Variants in NFATC1 observed in about 807,000 individuals in gnomAD.
NFATC1 encodes nuclear factor of activated T cells 1, also known as nuclear factor of activated T-cells, cytoplasmic 1.
In NFATC1, 22 loss-of-function variants were observed where a neutral mutation model predicts 76.0. That is an observed-to-expected ratio of 0.29 (90% confidence interval 0.21 to 0.41). NFATC1 has a LOEUF of 0.41. NFATC1 is among the 10% of genes least tolerant of loss of function. The pLI, the probability that NFATC1 is intolerant of heterozygous loss-of-function variation, is 1.00. For synonymous variants in NFATC1, 704 were observed against 613.1 expected (o/e 1.15, Z -2.19); for missense variants, 1,357 against 1,337.7 (o/e 1.01, Z -0.23).
chr18:79,436,311 C>T (rs2086773675), intron 3 of NFATC1, among the ~76,000 whole-genome samples: 1 of 152,232 alleles, frequency 6.6e-6, no homozygotes, highest in Non-Finnish European at 1.5e-5. Flanking sequence ...CCGTTGGGAA[C>T]AACTGGCGCG....
chr18:79,474,839 CGCTGTCAACGTAA>C (rs2088979408), intron 8 of NFATC1, among the ~76,000 whole-genome samples: 1 of 142,438 alleles, frequency 7.0e-6, no homozygotes, highest in Non-Finnish European at 1.5e-5. Flanking sequence ...TTCTCACGCT[CGCTGTCAACGTAA>C]ACCTGAGGGA....
At chr18:79,396,443 G>C in intron 1 of NFATC1, 92 bp downstream of exon 1, 2 of 890,642 alleles carry the variant, frequency 2.2e-6, no homozygotes, top group Non-Finnish European at 2.8e-6. Context: ...CCGCACGGAG[G>C]GGTCCGGGCC....
chr18:79,512,291 G>A (rs1225625840), intron 9 of NFATC1, among the ~76,000 whole-genome samples: 1 of 152,190 alleles, frequency 6.6e-6, no homozygotes, highest in African/African-American at 2.4e-5. Context: ...TAAATAAACG[G>A]AAAAGCGTCT....
At chr18:79,512,074 C>T (rs1359476448) in intron 9 of NFATC1, among the ~76,000 whole-genome samples, 3 of 152,112 alleles carry the variant, frequency 2.0e-5, no homozygotes, top group Non-Finnish European at 2.9e-5. Context: ...CCGGCCCAAG[C>T]GACCCCTGGC....
At chr18:79,514,017 G>T (rs932218594) in intron 9 of NFATC1, among the ~76,000 whole-genome samples, 13 of 152,326 alleles carry the variant, frequency 8.5e-5, no homozygotes, top group African/African-American at 3.1e-4. Flanking sequence ...GGTGAGCGTG[G>T]ACGTGCGTGG....
At chr18:79,457,479 C>G (rs2087798616) in intron 6 of NFATC1, among the ~76,000 whole-genome samples, 2 of 152,248 alleles carry the variant, frequency 1.3e-5, no homozygotes, top group Non-Finnish European at 2.9e-5. Flanking sequence ...CCTCCCTCCT[C>G]TCCCTTCTCA....
chr18:79,527,666 T>TACC lies in NFATC1; in HGVS notation c.*92_*94dup. The TACC allele has an allele frequency of 8.4e-7, 1 of 1,192,724 alleles. No individual in the cohort carries two copies. The highest frequency in any genetic ancestry group is 1.2e-6 in the Non-Finnish European group (1 of 803,128). The allele number at this position is 1,192,724 out of a possible 1,614,324, so 73.9% of individuals were successfully genotyped here. A position where few individuals can be genotyped will look rare whatever the true frequency, so the allele number is the denominator to read the frequency against. Reference sequence around the variant, plus strand: ...ATAAATAAACTGAACTCACACCTGGTACCACTCAGAACCTCCAACTGACTG... The same window carrying TACC: ...ATAAATAAACTGAACTCACACCTGGTACCACCACTCAGAACCTCCAACTGACTG... On this transcript the variant is annotated 3_prime_UTR_variant, in exon 10 of 10. Coordinates refer to ENST00000427363, the MANE Select transcript of NFATC1 (RefSeq NM_001278669.2).
intron 2 of NFATC1, among the ~76,000 whole-genome samples, chr18:79,432,213 TA>T (rs1417287773): frequency 6.6e-6 from 1 of 152,262 alleles, no homozygotes; most frequent in Non-Finnish European, 1.5e-5. Flanking sequence ...TCAGCAGCTC[TA>T]GGCAATAATT....
At chr18:79,401,101 A>G (rs1446223823) in intron 1 of NFATC1, among the ~76,000 whole-genome samples, 3 of 150,552 alleles carry the variant, frequency 2.0e-5, no homozygotes, top group African/African-American at 7.3e-5. Context: ...ACAAACCACA[A>G]ATAACTCCCC....
intron 6 of NFATC1, among the ~76,000 whole-genome samples, chr18:79,461,002 G>A (rs113601449): frequency 3.5e-4 from 54 of 152,346 alleles, no homozygotes; most frequent in African/African-American, 8.9e-4. Flanking sequence ...GGGCCAGGAC[G>A]GATTCCTGAG....
Position 79,451,764 on chromosome 18 carries a change from T to C in NFATC1, c.1851T>C (p.Ser617=), listed in dbSNP as rs15350. The part of the protein sequence containing the change: ...PVVGGKKMVL[S]GHNFLQDSKV... The stretch of plus-strand genomic sequence containing the variant: ...TGGGCGGGAAGAAGATGGTCCTGTC[T>C]GGCCACAACTTCCTGCAGGACTCCA... Residue 617 remains serine (S), a synonymous_variant, in exon 6 of 10, where the codon TCT becomes TCC. Coordinates refer to ENST00000427363, the MANE Select transcript of NFATC1 (RefSeq NM_001278669.2). The C allele has an allele frequency of 0.16, 263,655 of 1,612,000 alleles. 26,788 individuals carry two copies. Among genetic ancestry groups the C allele is most frequent in the African/African-American group, 0.42 (31,499 of 74,830 alleles).
At chr18:79,459,297 G>A (rs745709914) in intron 6 of NFATC1, among the ~76,000 whole-genome samples, 68 of 152,246 alleles carry the variant, frequency 4.5e-4, no homozygotes, top group Admixed American at 1.9e-3. Context: ...ACAGGCCCAC[G>A]AGGCACGGGT....
intron 9 of NFATC1, among the ~76,000 whole-genome samples, chr18:79,515,141 T>C (rs1317179632): frequency 6.6e-6 from 1 of 151,972 alleles, no homozygotes; most frequent in Admixed American, 6.6e-5. Flanking sequence ...GCTCGGGAGT[T>C]TGAGACCAGC....
At chr18:79,516,979 A>G (rs1280625570) in intron 9 of NFATC1, among the ~76,000 whole-genome samples, 1 of 152,272 alleles carries the variant, frequency 6.6e-6, no homozygotes, top group East Asian at 1.9e-4. Flanking sequence ...ACCATAAAAC[A>G]GTCAGTAAAC....
At chr18:79,443,628 G>A (rs1293911637) in intron 3 of NFATC1, among the ~76,000 whole-genome samples, 4 of 152,260 alleles carry the variant, frequency 2.6e-5, no homozygotes, top group Admixed American at 6.5e-5. Flanking sequence ...CAGCAAGCCC[G>A]TGGGGTCCCG....
chr18:79,468,019 T>A, intron 8 of NFATC1: 1 of 987,394 alleles, frequency 1.0e-6, no homozygotes, highest in Non-Finnish European at 1.2e-6. Flanking sequence ...ATGTGGTCTT[T>A]AAGGATGGTG....
intron 1 of NFATC1, among the ~76,000 whole-genome samples, chr18:79,407,322 G>T (rs534475346): frequency 6.6e-6 from 1 of 152,362 alleles, no homozygotes; most frequent in Non-Finnish European, 1.5e-5. Flanking sequence ...GGCAGATCCT[G>T]GGGATGGTGT....
rs1354060932 is a variant in NFATC1 at position 79,451,897 on chromosome 18, C to T, written c.1903+81C>T. On this transcript the variant is annotated intron_variant, in intron 6 of 9. Coordinates refer to ENST00000427363, the MANE Select transcript of NFATC1 (RefSeq NM_001278669.2). ...GGTTCCCAGTCGGTGGAGCAGGACCCACCTGTGCACGGTCACCGGGACGGG... is the reference window on the plus strand; with the variant it reads ...GGTTCCCAGTCGGTGGAGCAGGACCTACCTGTGCACGGTCACCGGGACGGG... 5.3e-6 allele frequency: 8 copies of T among 1,504,224 alleles called. 1 individual carries two copies. Among genetic ancestry groups the T allele is most frequent in the Non-Finnish European group, 7.2e-6 (8 of 1,118,058 alleles). The allele number at this position is 1,504,224 out of a possible 1,614,324, so 93.2% of individuals were successfully genotyped here.
chr18:79,476,842 G>C (rs951956783), intron 8 of NFATC1, among the ~76,000 whole-genome samples: 1 of 152,222 alleles, frequency 6.6e-6, no homozygotes, highest in Non-Finnish European at 1.5e-5. Flanking sequence ...TGCATGGTTG[G>C]AATACTCACC....
Sources: allele counts gnomAD v4.1 joint callset (sites outside exome capture counted in the v4.1 genomes callset), GRCh38; gene constraint gnomAD v4.1.1; transcripts MANE v1.5; gene names NCBI Gene and HGNC (gene_info 2026-07-23, HGNC 2026-07-21).